ELAVL4: variants seen among roughly 807,000 people sequenced by gnomAD.
The protein encoded by ELAVL4 is ELAV-like protein 4.
Under a neutral mutation model 35.6 loss-of-function variants are expected in ELAVL4, and 1 was observed. That is an observed-to-expected ratio of 0.03 (90% confidence interval 0.01 to 0.13). The LOEUF is 0.13. Among genes scored for constraint, ELAVL4 ranks in the 10% least tolerant of loss-of-function variants. The pLI, the probability that ELAVL4 is intolerant of heterozygous loss-of-function variation, is 1.00. For missense variants in ELAVL4, 267 were observed against 464.9 expected, an observed-to-expected ratio of 0.57 and a Z score of 3.91; for synonymous variants, 156 against 171.0, an observed-to-expected ratio of 0.91 and a Z score of 0.69.
At chr1:50,160,126 TAGA>T (rs1177747591) in intron 2 of ELAVL4, among the ~76,000 whole-genome samples, 2 of 152,180 alleles carry the variant, frequency 1.3e-5, no homozygotes, top group Non-Finnish European at 2.9e-5. Context: ...GCTGAGCCAT[TAGA>T]AGGTCTTCGT....
At chr1:50,110,004 TG>T in intron 1 of ELAVL4, 1 of 635,674 alleles carries the variant, frequency 1.6e-6, no homozygotes, top group East Asian at 8.7e-5. Flanking sequence ...GTCCCAGCCC[TG>T]TGTGTGTGTG....
intron 1 of ELAVL4, among the ~76,000 whole-genome samples, chr1:50,082,073 C>G (rs1351310051): frequency 2.0e-5 from 3 of 152,174 alleles, no homozygotes; most frequent in Admixed American, 2.0e-4. Flanking sequence ...TTTATCCAGT[C>G]TATCATTGAT....
At chr1:50,110,781 T>C (rs1666935213) in intron 1 of ELAVL4, among the ~76,000 whole-genome samples, 1 of 152,162 alleles carries the variant, frequency 6.6e-6, no homozygotes, top group Non-Finnish European at 1.5e-5. Context: ...TTTCCCATTC[T>C]TAGAGGATTG....
chr1:50,170,853 C>A (rs968398061), intron 2 of ELAVL4, among the ~76,000 whole-genome samples: 6 of 152,080 alleles, frequency 3.9e-5, no homozygotes, highest in African/African-American at 1.4e-4. Flanking sequence ...AGCAACAAAA[C>A]AAGACCTGAT....
At chr1:50,169,475 C>A (rs557232246) in intron 2 of ELAVL4, among the ~76,000 whole-genome samples, 57 of 152,188 alleles carry the variant, frequency 3.7e-4, no homozygotes, top group Non-Finnish European at 8.1e-4. Context: ...TTTCTCCCTA[C>A]AACTCACTAT....
chr1:50,135,260 T>C (rs1469294436), intron 1 of ELAVL4, among the ~76,000 whole-genome samples: 2 of 152,156 alleles, frequency 1.3e-5, no homozygotes, highest in Non-Finnish European at 2.9e-5. Context: ...TAAAGCGCTA[T>C]ATTCTCATTG....
chr1:50,106,338 G>T, upstream of ELAVL4: 1 of 1,613,726 alleles, frequency 6.2e-7, no homozygotes. Flanking sequence ...ACTGATATGA[G>T]ATTACTTCTT....
chr1:50,103,197 C>A (rs1355864263), upstream of ELAVL4, among the ~76,000 whole-genome samples: 2 of 152,182 alleles, frequency 1.3e-5, no homozygotes, highest in Admixed American at 1.3e-4. Flanking sequence ...GTTAGACATC[C>A]ATTTGTCACA....
chr1:50,143,239 C>T (rs1673118985), intron 1 of ELAVL4, among the ~76,000 whole-genome samples: 1 of 152,170 alleles, frequency 6.6e-6, no homozygotes, highest in African/African-American at 2.4e-5. Context: ...AAGATTTATA[C>T]ACTTTATTAC....
intron 1 of ELAVL4, among the ~76,000 whole-genome samples, chr1:50,129,274 G>A (rs6588375): frequency 0.3 from 44,946 of 151,720 alleles, 6,841 homozygotes; most frequent in African/African-American, 0.37. Flanking sequence ...CTGCTTATTG[G>A]GGTATACAGT....
chr1:50,050,313 G>T (rs1663287715), intron 1 of ELAVL4, among the ~76,000 whole-genome samples: 2 of 152,206 alleles, frequency 1.3e-5, no homozygotes, highest in Admixed American at 6.5e-5. Context: ...GCTCCTTGTA[G>T]TTGGGGAGGG....
At chr1:50,106,890 C>T (rs1666370958), upstream of ELAVL4, among the ~76,000 whole-genome samples, 1 of 152,056 alleles carries the variant, frequency 6.6e-6, no homozygotes, top group South Asian at 2.1e-4. Context: ...TTTTAATATA[C>T]CTAATGTTAA....
chr1:50,197,854 G>A (rs192647383), intron 6 of ELAVL4, among the ~76,000 whole-genome samples: 9 of 152,346 alleles, frequency 5.9e-5, no homozygotes, highest in Non-Finnish European at 1.2e-4. Flanking sequence ...TCAGTTAAGA[G>A]GGCAGATTCC....
At chr1:50,109,374 A>G (rs1256117372) in intron 1 of ELAVL4, among the ~76,000 whole-genome samples, 176 bp downstream of exon 1, 1 of 152,016 alleles carries the variant, frequency 6.6e-6, no homozygotes. Flanking sequence ...TTGAAAAGCA[A>G]TGGGGATATA....
intron 1 of ELAVL4, among the ~76,000 whole-genome samples, chr1:50,116,187 C>G (rs1667912720): frequency 6.6e-6 from 1 of 152,040 alleles, no homozygotes; most frequent in Non-Finnish European, 1.5e-5. Context: ...GTCAGCAGCC[C>G]ATGAAGCTTG....
upstream of ELAVL4, chr1:50,106,229 G>A: frequency 7.4e-7 from 1 of 1,352,846 alleles, no homozygotes; most frequent in South Asian, 1.3e-5. Context: ...TTGGCTTCTG[G>A]TACAGTCCAT....
At chr1:50,048,485 C>T (rs1663186677) in intron 1 of ELAVL4, among the ~76,000 whole-genome samples, 1 of 152,070 alleles carries the variant, frequency 6.6e-6, no homozygotes, top group African/African-American at 2.4e-5. Context: ...CTTGGGTTGA[C>T]GCGCGCCCCC....
chr1:50,104,817 AC>A (rs1200893984), upstream of ELAVL4, among the ~76,000 whole-genome samples: 1 of 152,126 alleles, frequency 6.6e-6, no homozygotes, highest in Non-Finnish European at 1.5e-5. Flanking sequence ...CTTTTAACAT[AC>A]CCCCAATCAC....
rs1016967795 is a variant in ELAVL4 at position 50,145,324 on chromosome 1, A to C, written c.250+127A>C. 4 of 1,389,154 alleles carry C rather than the reference A, an allele frequency of 2.9e-6. No homozygotes were observed. In the African/African-American group the frequency reaches 4.3e-5, roughly 15 times the overall value. 86.1% of individuals were successfully genotyped at this position (1,389,154 alleles called of 1,614,324 possible). ...TGCATGCAAGATGGCATGGATACAC[A>C]GTCATAAACTCACACTACATACACC... On this transcript the variant is annotated intron_variant, in intron 2 of 6. Coordinates refer to ENST00000371824, the MANE Select transcript of ELAVL4 (RefSeq NM_001144774.3).
Sources: allele counts gnomAD v4.1 joint callset (sites outside exome capture counted in the v4.1 genomes callset), GRCh38; gene constraint gnomAD v4.1.1; transcripts MANE v1.5; gene names NCBI Gene and HGNC (gene_info 2026-07-23, HGNC 2026-07-21).